Variants in FGF14 observed in about 807,000 individuals in gnomAD.
The protein encoded by FGF14 is fibroblast growth factor 14.
Under a neutral mutation model 25.5 loss-of-function variants are expected in FGF14, and 5 were observed. That is an observed-to-expected ratio of 0.20 (90% confidence interval 0.10 to 0.41). The LOEUF (loss-of-function observed/expected upper bound fraction) is 0.41. Ranked by LOEUF, FGF14 falls within the 10% of genes least tolerant of loss-of-function variation. FGF14 has a pLI of 1.00. For synonymous variants in FGF14, 138 were observed against 118.3 expected, an observed-to-expected ratio of 1.17 and a Z score of -1.08; for missense variants, 222 against 320.1, an observed-to-expected ratio of 0.69 and a Z score of 2.34.
At chr13:102,332,603 T>C (rs537322050) in intron 1 of FGF14, among the ~76,000 whole-genome samples, 3 of 151,972 alleles carry the variant, frequency 2.0e-5, no homozygotes, top group African/African-American at 7.2e-5. Context: ...CATTTTTTTT[T>C]ATAAATTCAA....
chr13:101,931,385 G>A (rs1279698239), intron 1 of FGF14, among the ~76,000 whole-genome samples: 2 of 152,098 alleles, frequency 1.3e-5, no homozygotes, highest in African/African-American at 2.4e-5. Context: ...GTTTGCATTT[G>A]CTTTCTTTGG....
chr13:102,189,873 AG>A (rs2049054898), intron 1 of FGF14, among the ~76,000 whole-genome samples: 1 of 152,130 alleles, frequency 6.6e-6, no homozygotes, highest in African/African-American at 2.4e-5. Flanking sequence ...AGGAGGTGCC[AG>A]GCTCTTTTAA....
intron 3 of FGF14, among the ~76,000 whole-genome samples, chr13:101,803,802 C>T (rs903147969): frequency 3.9e-5 from 6 of 151,930 alleles, no homozygotes; most frequent in East Asian, 1.9e-4. Context: ...AGGTTTTGGG[C>T]GGAAGGACAC....
At chr13:101,981,087 A>ACACACACT (rs1555332792) in intron 1 of FGF14, among the ~76,000 whole-genome samples, 1 of 105,412 alleles carries the variant, frequency 9.5e-6, no homozygotes, top group Non-Finnish European at 2.0e-5. Flanking sequence ...ACTAAAACAC[A>ACACACACT]CACACACACA....
intron 3 of FGF14, among the ~76,000 whole-genome samples, chr13:101,850,291 A>C (rs1272326234): frequency 2.1e-5 from 3 of 142,498 alleles, no homozygotes; most frequent in Admixed American, 7.1e-5. Flanking sequence ...AAAAAAAAAA[A>C]AAAAAAAAAA....
In FGF14 at chr13:101,955,035, T is replaced by C. The variant is rs564327046; in HGVS notation, c.209-79739A>G. 3.3e-5 allele frequency among the ~76,000 whole-genome samples: 5 copies of C among 152,252 alleles called. No individual in the cohort carries two copies. The South Asian group carries it at 1.0e-3, about 32-fold the overall frequency. Reference sequence around the variant, plus strand: ...GCTGGGGCTTTTACCAACTGTTAGGTTGTTTTTGGTTCTTTTATTTGAACA... The same window carrying C: ...GCTGGGGCTTTTACCAACTGTTAGGCTGTTTTTGGTTCTTTTATTTGAACA... On this transcript the variant is annotated intron_variant, in intron 1 of 4. Coordinates refer to the FGF14 transcript ENST00000376131.
At chr13:102,326,693 G>GGGAAGGGAAGGGAAGGGAGGAA (rs2056445953) in intron 1 of FGF14, among the ~76,000 whole-genome samples, 1 of 29,344 alleles carries the variant, frequency 3.4e-5, no homozygotes, top group Non-Finnish European at 6.3e-5. Flanking sequence ...GGGAAGGGAA[G>GGGAAGGGAAGGGAAGGGAGGAA]GGAAGGAAGG....
intron 1 of FGF14, among the ~76,000 whole-genome samples, chr13:101,883,342 G>A (rs1456173735): frequency 6.6e-6 from 1 of 152,138 alleles, no homozygotes; most frequent in Non-Finnish European, 1.5e-5. Context: ...CTGCAACACA[G>A]CCACAGAAAT....
At chr13:101,804,816 T>C (rs73557410) in intron 3 of FGF14, among the ~76,000 whole-genome samples, 1,545 of 152,242 alleles carry the variant, frequency 0.01, 22 homozygotes, top group African/African-American at 0.036. Context: ...AAGAATTGTT[T>C]CGCATTTAAG....
At chr13:102,085,357 A>C (rs2043846745) in intron 1 of FGF14, among the ~76,000 whole-genome samples, 1 of 152,318 alleles carries the variant, frequency 6.6e-6, no homozygotes, top group Admixed American at 6.5e-5. Flanking sequence ...CCTAAAATGA[A>C]GATTCCCTCA....
chr13:101,723,850 C>T (rs2035173559), intron 4 of FGF14, among the ~76,000 whole-genome samples: 1 of 152,028 alleles, frequency 6.6e-6, no homozygotes, highest in African/African-American at 2.4e-5. Context: ...AAGTCATCTG[C>T]CATCAGAAAT....
At chr13:102,152,283 T>C (rs1306308849) in intron 1 of FGF14, among the ~76,000 whole-genome samples, 1 of 152,228 alleles carries the variant, frequency 6.6e-6, no homozygotes, top group African/African-American at 2.4e-5. Context: ...GTTAGTTTGC[T>C]AGGGTTCCCA....
chr13:102,097,546 C>A (rs1016390475), intron 1 of FGF14, among the ~76,000 whole-genome samples: 1 of 152,146 alleles, frequency 6.6e-6, no homozygotes, highest in Admixed American at 6.6e-5. Flanking sequence ...TTGCCATATT[C>A]TTCATGGTCC....
intron 1 of FGF14, among the ~76,000 whole-genome samples, chr13:102,365,675 C>A (rs376616781): frequency 1.3e-5 from 2 of 152,126 alleles, no homozygotes; most frequent in South Asian, 4.2e-4. Context: ...CTAAGGTCCT[C>A]ATGTCTGAAT....
intron 1 of FGF14, among the ~76,000 whole-genome samples, chr13:101,932,103 T>A (rs773324327): frequency 4.6e-5 from 7 of 152,226 alleles, no homozygotes; most frequent in African/African-American, 1.7e-4. Context: ...TTCTTTCATA[T>A]GCTGACCTGC....
intron 1 of FGF14, chr13:102,002,679 G>C (rs992530905): frequency 9.8e-5 from 15 of 153,130 alleles, no homozygotes; most frequent in African/African-American, 3.1e-4. Flanking sequence ...ATTACGTAGC[G>C]CTAATGGGAC....
chr13:101,726,171 T>G (rs2035412609), intron 4 of FGF14, among the ~76,000 whole-genome samples: 1 of 152,086 alleles, frequency 6.6e-6, no homozygotes, highest in South Asian at 2.1e-4. Context: ...AGGTAATTAC[T>G]TTCACCTAGA....
intron 3 of FGF14, among the ~76,000 whole-genome samples, chr13:101,739,140 A>T (rs1478385837): frequency 3.4e-5 from 5 of 147,164 alleles, no homozygotes; most frequent in African/African-American, 1.2e-4. Flanking sequence ...TACCATTACA[A>T]ATACTAAAAT....
intron 3 of FGF14, among the ~76,000 whole-genome samples, chr13:101,788,965 G>GAGAGAGAGATATAT (rs2040073837): frequency 1.2e-5 from 1 of 80,606 alleles, no homozygotes; most frequent in Non-Finnish European, 2.8e-5. Context: ...GAGAGAGAGA[G>GAGAGAGAGATATAT]AGAGACAGAG....
Sources: allele counts gnomAD v4.1 joint callset (sites outside exome capture counted in the v4.1 genomes callset), GRCh38; gene constraint gnomAD v4.1.1; transcripts MANE v1.5; gene names NCBI Gene and HGNC (gene_info 2026-07-23, HGNC 2026-07-21).